OSGEPL1: variants seen among roughly 807,000 people sequenced by gnomAD.
The protein encoded by OSGEPL1 is O-sialoglycoprotein endopeptidase like 1, also known as tRNA N6-adenosine threonylcarbamoyltransferase, mitochondrial.
OSGEPL1 carries 26 observed loss-of-function variants against 37.2 expected under a neutral mutation model. The ratio of observed to expected loss-of-function variants is 0.70; its 90% confidence interval spans 0.51 to 0.97. The LOEUF is 0.97. Among genes scored for constraint, OSGEPL1 ranks in the 50% least tolerant of loss-of-function variants. The pLI is 0.00. For synonymous variants in OSGEPL1, 140 were observed against 159.9 expected, an observed-to-expected ratio of 0.88 and a Z score of 0.94; for missense variants, 404 against 487.0, an observed-to-expected ratio of 0.83 and a Z score of 1.60.
chr2:189,762,365 A>AG (rs2047207644), intron 1 of OSGEPL1, among the ~76,000 whole-genome samples: 1 of 152,198 alleles, frequency 6.6e-6, no homozygotes, highest in Non-Finnish European at 1.5e-5. Context: ...GTGTTAAAGC[A>AG]GGGCCTTTCT....
At chr2:189,747,658 C>G (rs1234938620) in intron 8 of OSGEPL1, among the ~76,000 whole-genome samples, 1 of 152,112 alleles carries the variant, frequency 6.6e-6, no homozygotes, top group African/African-American at 2.4e-5. Flanking sequence ...ATACAAACAC[C>G]TGGCTTCACT....
In OSGEPL1 at chr2:189,761,613, C is replaced by A. The variant is rs1475321766; in HGVS notation, c.28G>T (p.Val10Phe). The change falls in exon 2 of 9, where the codon GTT becomes TTT. Residue 10 changes from valine to phenylalanine, a missense_variant. By Grantham distance (50) the Val-to-Phe change is conservative. Coordinates refer to ENST00000264151, the MANE Select transcript of OSGEPL1 (RefSeq NM_022353.3). MLILTKTAG[V>F]FFKPSKRKVY... ...TTCCTTTTTGATGGTTTAAAAAAAA[C>A]TCCTGCAGTCTTAGTCAAGATTAGC... 8 of 1,603,794 alleles carry A rather than the reference C, an allele frequency of 5.0e-6. No homozygotes were observed. The East Asian group carries it at 1.8e-4, about 36-fold the overall frequency.
In OSGEPL1 at chr2:189,747,026, C is replaced by T. The variant is rs1189329728; in HGVS notation, c.*171G>A. On this transcript the variant is annotated 3_prime_UTR_variant, in exon 9 of 9. Transcript: ENST00000264151. ...TACAAATGTATAAGTCTTCTAAGACCCAAAATGTATACCTTAAGAAACATT... is the reference window on the plus strand; with the variant it reads ...TACAAATGTATAAGTCTTCTAAGACTCAAAATGTATACCTTAAGAAACATT... 1.3e-5 allele frequency: 2 copies of T among 154,648 alleles called. No individual in the cohort carries two copies. Among genetic ancestry groups the T allele is most frequent in the African/African-American group, 4.8e-5 (2 of 41,262 alleles). The allele number at this position is 154,648 out of a possible 1,614,324, so 9.6% of individuals were successfully genotyped here.
chr2:189,755,472 C>T lies in OSGEPL1; in HGVS notation c.310G>A (p.Val104Ile), dbSNP rs570164694. 3 of 1,601,974 alleles carry T rather than the reference C, an allele frequency of 1.9e-6. No individual in the cohort carries two copies. The highest frequency in any genetic ancestry group is 2.3e-5 in the South Asian group (2 of 88,446). Reference sequence around the variant, plus strand: ...ATTGCTGAGAGGTCACTTGGAGAGACTCCACTGGCAGAAAGAGCTTCTTGT... The same window carrying T: ...ATTGCTGAGAGGTCACTTGGAGAGATTCCACTGGCAGAAAGAGCTTCTTGT... ...IVQEALSASG[V>I]SPSDLSAIAT... Residue 104 changes from valine (V) to isoleucine (I), a missense_variant, in exon 3 of 9, where the codon GTC becomes ATC. Transcript: ENST00000264151.
chr2:189,750,306 C>T (rs1004098877), intron 8 of OSGEPL1, among the ~76,000 whole-genome samples: 2 of 152,078 alleles, frequency 1.3e-5, no homozygotes, highest in African/African-American at 4.8e-5. Flanking sequence ...TTCAAAGCTT[C>T]CTTTCTACCT....
chr2:189,757,441 G>T (rs2106037239), intron 2 of OSGEPL1, among the ~76,000 whole-genome samples: 1 of 152,342 alleles, frequency 6.6e-6, no homozygotes, highest in East Asian at 1.9e-4. Flanking sequence ...GGTAGTAGTA[G>T]AACTACTATT....
chr2:189,753,114 ATATC>A (rs2105989179), intron 5 of OSGEPL1, 135 bp from the exon 6 acceptor site: 1 of 658,994 alleles, frequency 1.5e-6, no homozygotes, highest in East Asian at 3.1e-5. Flanking sequence ...GGCAGATGAC[ATATC>A]TATGTAATAA....
At chr2:189,753,851 G>A in intron 5 of OSGEPL1, 65 bp downstream of exon 5, 2 of 1,537,896 alleles carry the variant, frequency 1.3e-6, no homozygotes, top group Non-Finnish European at 1.8e-6. Context: ...ACAAGGTCAA[G>A]GTCTTGGGAA....
chr2:189,758,865 G>A (rs1360860915), intron 2 of OSGEPL1, among the ~76,000 whole-genome samples: 1 of 152,190 alleles, frequency 6.6e-6, no homozygotes, highest in Non-Finnish European at 1.5e-5. Context: ...GAATAAATAG[G>A]ATGGGAGTAC....
At chr2:189,757,014 T>C (rs917304894) in intron 2 of OSGEPL1, among the ~76,000 whole-genome samples, 6 of 152,344 alleles carry the variant, frequency 3.9e-5, no homozygotes, top group African/African-American at 9.6e-5. Context: ...CCAGGGATTA[T>C]GCTAAACACT....
upstream of OSGEPL1, chr2:189,762,958 C>T (rs1331880806): frequency 1.0e-6 from 1 of 985,248 alleles, no homozygotes; most frequent in East Asian, 1.1e-4. Context: ...TAAAATTACA[C>T]AGCTAGTGAC....
Position 189,750,550 on chromosome 2 carries a change from C to T in OSGEPL1, c.*28G>A. On this transcript the variant is annotated splice_region_variant and 3_prime_UTR_variant, in exon 8 of 9. Transcript: ENST00000264151. ...AACTTAATTTTAACCTTAATACTAC[C>T]TTTAGGGACTTTTTTGAACAGCAGA... is the stretch of plus-strand genomic sequence containing the variant. The T allele has an allele frequency of 7.8e-7, 1 of 1,287,704 alleles. No individual in the cohort carries two copies. 79.8% of individuals were successfully genotyped at this position (1,287,704 alleles called of 1,614,324 possible).
intron 3 of OSGEPL1, 51 bp downstream of exon 3, chr2:189,755,120 AGT>A (rs769588686): frequency 5.1e-6 from 8 of 1,566,540 alleles, no homozygotes; most frequent in Non-Finnish European, 6.0e-6. Context: ...ATTGCTACTT[AGT>A]TGAAATGGAC....
chr2:189,760,070 TG>T (rs1022412826), intron 2 of OSGEPL1, among the ~76,000 whole-genome samples: 1 of 152,200 alleles, frequency 6.6e-6, no homozygotes, highest in Non-Finnish European at 1.5e-5. Context: ...AGCACGGGGT[TG>T]GGGGTAAGGT....
chr2:189,762,968 C>A, upstream of OSGEPL1: 2 of 985,338 alleles, frequency 2.0e-6, no homozygotes, highest in Non-Finnish European at 2.4e-6. Flanking sequence ...CAGCTAGTGA[C>A]TGATCCAGCG....
rs771930919 is a variant in OSGEPL1, at chr2:189,755,325, G to A, written c.457C>T (p.Leu153Phe). The change falls in exon 3 of 9, where the codon CTT becomes TTT. Residue 153 changes from leucine to phenylalanine, a missense_variant. Coordinates refer to ENST00000264151, the MANE Select transcript of OSGEPL1 (RefSeq NM_022353.3). The part of the protein sequence containing the change: ...IPIHHMEAHA[L>F]TIRLTNKVEF... Reference sequence around the variant, plus strand: ...ACTTTATTGGTCAACCTAATAGTAAGTGCATGAGCCTCCATATGATGAATG... The same window carrying A: ...ACTTTATTGGTCAACCTAATAGTAAATGCATGAGCCTCCATATGATGAATG... The A allele has an allele frequency of 3.1e-5, 50 of 1,613,344 alleles. 1 individual carries two copies. In the South Asian group the frequency reaches 4.9e-4, roughly 16 times the overall value.
intron 2 of OSGEPL1, among the ~76,000 whole-genome samples, chr2:189,760,722 C>T (rs376676018): frequency 9.9e-5 from 15 of 151,544 alleles, no homozygotes; most frequent in African/African-American, 3.1e-4. Flanking sequence ...ACTCGAGAGG[C>T]GGAGATTGCA....
rs200803062 is a variant in OSGEPL1, at chr2:189,754,227, A to G, written c.728T>C (p.Leu243Ser). The change falls in exon 4 of 9, where the codon TTG becomes TCG. Residue 243 changes from leucine to serine, a missense_variant. Physicochemically the swap from Leu to Ser is moderately radical, Grantham distance 145. Coordinates refer to ENST00000264151, the MANE Select transcript of OSGEPL1 (RefSeq NM_022353.3). The stretch of plus-strand genomic sequence containing the variant: ...AAAATCACAATTTTTAGCATGATGC[A>G]AGGGAGGTTTGATGTCAAAATGAAA... Reference protein sequence around the residue: ...NRFHFDIKPPLHHAKNCDFSF... With the variant: ...NRFHFDIKPPSHHAKNCDFSF... The G allele has an allele frequency of 3.5e-5, 56 of 1,613,784 alleles. No individual in the cohort carries two copies. The highest frequency in any genetic ancestry group is 4.6e-5 in the Non-Finnish European group (54 of 1,179,822).
intron 8 of OSGEPL1, among the ~76,000 whole-genome samples, chr2:189,750,146 A>G (rs2044923401): frequency 6.6e-6 from 1 of 152,136 alleles, no homozygotes; most frequent in South Asian, 2.1e-4. Flanking sequence ...AATGATAAAA[A>G]AAAATTAAAC....
Sources: allele counts gnomAD v4.1 joint callset (sites outside exome capture counted in the v4.1 genomes callset), GRCh38; gene constraint gnomAD v4.1.1; transcripts MANE v1.5; gene names NCBI Gene and HGNC (gene_info 2026-07-23, HGNC 2026-07-21).